The following TNFRSF13B variants were observed in gnomAD, a reference collection of about 807,000 sequenced individuals.
The protein encoded by TNFRSF13B is tumor necrosis factor receptor superfamily member 13B.
Under a neutral mutation model 24.0 loss-of-function variants are expected in TNFRSF13B, and 34 were observed. That is an observed-to-expected ratio of 1.41 (90% confidence interval 1.08 to 1.88). The LOEUF is 1.88. TNFRSF13B is among the 40% of genes most tolerant of loss of function. TNFRSF13B has a pLI of 0.00. For synonymous variants in TNFRSF13B, 173 were observed against 150.3 expected (o/e 1.15, Z -1.10); for missense variants, 415 against 380.8 (o/e 1.09, Z -0.75).
At chr17:16,950,271 C>T (rs775688828) in intron 2 of TNFRSF13B, among the ~76,000 whole-genome samples, 24 of 152,156 alleles carry the variant, frequency 1.6e-4, no homozygotes, top group East Asian at 1.9e-4. Flanking sequence ...TTAGCCTCTC[C>T]GTGCCTCAGT....
At chr17:16,944,654 G>C (rs867189125) in intron 3 of TNFRSF13B, among the ~76,000 whole-genome samples, 2 of 152,148 alleles carry the variant, frequency 1.3e-5, no homozygotes, top group African/African-American at 4.8e-5. Context: ...GGCCTTCCAC[G>C]AGACAGTGAG....
At chr17:16,940,260 A>G (rs1430998954) in intron 4 of TNFRSF13B, 66 bp downstream of exon 4, 74 of 1,611,376 alleles carry the variant, frequency 4.6e-5, no homozygotes, top group Non-Finnish European at 6.2e-5. Context: ...GACAGGACCG[A>G]GGGATGGCCC....
At chr17:16,963,221 G>A (rs1165995324) in intron 1 of TNFRSF13B, among the ~76,000 whole-genome samples, 1 of 152,232 alleles carries the variant, frequency 6.6e-6, no homozygotes, top group Non-Finnish European at 1.5e-5. Context: ...CGTTAGTAAA[G>A]ACAACCCCCT....
Position 16,939,263 on chromosome 17 carries a change from C to G in TNFRSF13B, c.*284G>C, listed in dbSNP as rs1235342448. 2.4e-6 allele frequency: 1 copy of G among 416,222 alleles called. No individual in the cohort carries two copies. The highest frequency in any genetic ancestry group is 4.4e-5 in the East Asian group (1 of 22,518). 25.8% of individuals were successfully genotyped at this position (416,222 alleles called of 1,614,324 possible). A position where few individuals can be genotyped will look rare whatever the true frequency, so the allele number is the denominator to read the frequency against. On this transcript the variant is annotated 3_prime_UTR_variant, in exon 5 of 5. Transcript: ENST00000261652. ...GCTCTATCTCTCTCTGTCCCTCTCTCCCTCTCTGTCTCTCTGCCTCTCTCC... is the reference window on the plus strand; with the variant it reads ...GCTCTATCTCTCTCTGTCCCTCTCTGCCTCTCTGTCTCTCTGCCTCTCTCC...
intron 3 of TNFRSF13B, among the ~76,000 whole-genome samples, chr17:16,941,910 A>G (rs1287269624): frequency 5.3e-5 from 8 of 152,196 alleles, no homozygotes; most frequent in African/African-American, 1.4e-4. Context: ...TGAGTTTTCA[A>G]GGTCCACCAT....
At chr17:16,954,453 T>G (rs546444664) in intron 1 of TNFRSF13B, among the ~76,000 whole-genome samples, 1 of 152,334 alleles carries the variant, frequency 6.6e-6, no homozygotes, top group African/African-American at 2.4e-5. Context: ...GGGGTTTATC[T>G]TCCTTCCCTC....
intron 1 of TNFRSF13B, among the ~76,000 whole-genome samples, chr17:16,967,492 C>T (rs557290453): frequency 6.6e-6 from 1 of 152,024 alleles, no homozygotes; most frequent in Non-Finnish European, 1.5e-5. Flanking sequence ...CAGTGGCTCA[C>T]ACCTGTAATC....
At chr17:16,960,469 C>T (rs183452432) in intron 1 of TNFRSF13B, among the ~76,000 whole-genome samples, 149 of 152,180 alleles carry the variant, frequency 9.8e-4, no homozygotes, top group African/African-American at 3.4e-3. Context: ...ACAGATAACC[C>T]GATCTTATAT....
At chr17:16,967,848 T>G (rs1158353962) in intron 1 of TNFRSF13B, among the ~76,000 whole-genome samples, 1 of 128,200 alleles carries the variant, frequency 7.8e-6, no homozygotes, top group African/African-American at 3.0e-5. Flanking sequence ...ATAAAAGAAA[T>G]GCAAGAAGGC....
intron 1 of TNFRSF13B, among the ~76,000 whole-genome samples, chr17:16,971,782 T>G (rs559227214): frequency 2.9e-4 from 44 of 152,274 alleles, no homozygotes; most frequent in African/African-American, 9.4e-4. Flanking sequence ...CCTGCCGGTG[T>G]GGCCAACCCT....
intron 2 of TNFRSF13B, among the ~76,000 whole-genome samples, chr17:16,950,437 A>G (rs1313611983): frequency 6.6e-6 from 1 of 152,264 alleles, no homozygotes; most frequent in African/African-American, 2.4e-5. Flanking sequence ...CACAAAGCAA[A>G]CAGATCCGTT....
intron 4 of TNFRSF13B, 23 bp from the exon 5 acceptor site, chr17:16,939,820 C>A: frequency 1.2e-6 from 2 of 1,606,980 alleles, no homozygotes; most frequent in Non-Finnish European, 1.7e-6. Context: ...GAGTGGAGGG[C>A]GTGGGCCAGG....
chr17:16,940,611 T>C lies in TNFRSF13B; in HGVS notation c.446-100A>G, dbSNP rs1377156259. 16 of 1,536,494 alleles carry C rather than the reference T, an allele frequency of 1.0e-5. No individual in the cohort carries two copies. The Admixed American group carries it at 2.9e-4, about 28-fold the overall frequency. ...CCCCCATCCCCCTGCTGTGAGCCTG[T>C]CTGGCTCCTGGAGAGGCTGGGCTCC... On this transcript the variant is annotated intron_variant, in intron 3 of 4. Coordinates refer to ENST00000261652, the MANE Select transcript of TNFRSF13B (RefSeq NM_012452.3).
At position 16,940,438 on chromosome 17, in the gene TNFRSF13B, G is replaced by C; in HGVS notation, c.519C>G (p.Ala173=). The change falls in exon 4 of 5, where the codon GCC becomes GCG. Residue 173 remains alanine (A), a synonymous_variant. Transcript: ENST00000261652. ...CCGCCACCAGGAAGCAGCAGAGGAC[G>C]GCACACAGGCAGAGCCCCAGCGTGC... is the stretch of plus-strand genomic sequence containing the variant. ...VYSTLGLCLC[A]VLCCFLVAVA... 3 of 1,613,936 alleles carry C rather than the reference G, an allele frequency of 1.9e-6. No homozygotes were observed. Among genetic ancestry groups the C allele is most frequent in the Middle Eastern group, 1.7e-4 (1 of 6,058 alleles).
intron 4 of TNFRSF13B, chr17:16,940,058 T>C: frequency 9.6e-7 from 1 of 1,045,292 alleles, no homozygotes; most frequent in African/African-American, 1.6e-5. Flanking sequence ...CCTCCTGGGC[T>C]TAGCCCTGAA....
chr17:16,941,154 GT>G (rs746752452), intron 3 of TNFRSF13B: 63 of 906,416 alleles, frequency 7.0e-5, no homozygotes, highest in Non-Finnish European at 7.3e-5. Flanking sequence ...GGCTGCAGAG[GT>G]TCAGTACAGA....
In TNFRSF13B at chr17:16,950,352, C is replaced by T. The variant is rs77461602; in HGVS notation, c.200-1369G>A. On this transcript the variant is annotated intron_variant, in intron 2 of 4. Transcript: ENST00000261652. ...TAGGGTTGTTGGCAGAGTTGTAGGGCCCAGCACAGTGCCTGGCACATACTA... is the reference window on the plus strand; with the variant it reads ...TAGGGTTGTTGGCAGAGTTGTAGGGTCCAGCACAGTGCCTGGCACATACTA... Among the ~76,000 whole-genome samples the T allele has an allele frequency of 8.8e-3, 1,347 of 152,284 alleles. 18 individuals are homozygous for T. Among genetic ancestry groups the T allele is most frequent in the African/African-American group, 0.031 (1,288 of 41,556 alleles).
chr17:16,939,807 C>T lies in TNFRSF13B; in HGVS notation c.632-10G>A, dbSNP rs748883051. 1.2e-5 allele frequency: 19 copies of T among 1,609,952 alleles called. No individual in the cohort carries two copies. Among genetic ancestry groups the T allele is most frequent in the South Asian group, 3.3e-5 (3 of 90,744 alleles). ...GCTTCCATCGCGTGATCTGCAGAGG[C>T]GAGAGTGGAGGGCGTGGGCCAGGCC... On this transcript the variant is annotated splice_polypyrimidine_tract_variant and intron_variant, in intron 4 of 4. Transcript: ENST00000261652.
intron 1 of TNFRSF13B, among the ~76,000 whole-genome samples, chr17:16,964,063 G>A (rs1457015963): frequency 6.6e-6 from 1 of 151,920 alleles, no homozygotes; most frequent in Non-Finnish European, 1.5e-5. Flanking sequence ...AGGAGAAGGA[G>A]GAAGAAATGG....
Sources: gnomAD v4.1 joint callset for allele counts (sites outside exome capture counted in the v4.1 genomes callset) on GRCh38, gnomAD v4.1.1 for gene constraint, MANE v1.5 for transcripts, NCBI Gene and HGNC (gene_info 2026-07-23, HGNC 2026-07-21) for gene names.